Variants in DLGAP2 observed in about 807,000 individuals in gnomAD.
DLGAP2 encodes the protein DLG associated protein 2.
DLGAP2 carries 26 observed loss-of-function variants against 100.3 expected under a neutral mutation model. The observed-to-expected ratio is 0.26, with a 90% CI of 0.19 to 0.36. The LOEUF (loss-of-function observed/expected upper bound fraction) is 0.36. DLGAP2 is among the 10% of genes least tolerant of loss of function. The pLI is 1.00. For missense variants in DLGAP2, 1,858 were observed against 1,453.2 expected (o/e 1.28, Z -4.53); for synonymous variants, 886 against 630.1 (o/e 1.41, Z -6.08).
chr8:753,713 C>A (rs998760557), intron 1 of DLGAP2: 1 of 152,234 alleles, frequency 6.6e-6, no homozygotes, highest in Non-Finnish European at 1.5e-5. Context: ...TGCCGGCTCA[C>A]CAGATGGAGC....
At chr8:1,274,721 T>C in intron 3 of DLGAP2, among the ~76,000 whole-genome samples, 1 of 134,776 alleles carries the variant, frequency 7.4e-6, no homozygotes, top group Non-Finnish European at 1.6e-5. Context: ...TTTTTTTTTT[T>C]TTTGCCGTAA....
At chr8:1,106,421 A>C (rs1255663671) in intron 2 of DLGAP2, among the ~76,000 whole-genome samples, 6 of 148,536 alleles carry the variant, frequency 4.0e-5, no homozygotes, top group African/African-American at 1.3e-4. Context: ...GAAGGGAGCC[A>C]CTCTAGGACG....
At chr8:1,698,191 T>C (rs927543157) in intron 14 of DLGAP2, among the ~76,000 whole-genome samples, 3 of 152,128 alleles carry the variant, frequency 2.0e-5, no homozygotes, top group Non-Finnish European at 4.4e-5. Flanking sequence ...GATCCACAGG[T>C]TCCCTCTCAT....
chr8:1,207,059 T>TC (rs544989897), intron 2 of DLGAP2, among the ~76,000 whole-genome samples: 34 of 152,306 alleles, frequency 2.2e-4, no homozygotes, highest in African/African-American at 7.9e-4. Context: ...CCTAGATGTG[T>TC]CCTTCACAGT....
At chr8:1,347,280 A>C (rs1322576895) in intron 3 of DLGAP2, among the ~76,000 whole-genome samples, 1 of 147,542 alleles carries the variant, frequency 6.8e-6, no homozygotes, top group Non-Finnish European at 1.5e-5. Flanking sequence ...GCTACACTGC[A>C]CTCACGGTAG....
intron 2 of DLGAP2, among the ~76,000 whole-genome samples, chr8:1,047,313 A>C (rs757175696): frequency 1.3e-5 from 2 of 152,230 alleles, no homozygotes; most frequent in Non-Finnish European, 2.9e-5. Context: ...ATACAGGTTG[A>C]GTATCTCTTA....
intron 2 of DLGAP2, among the ~76,000 whole-genome samples, chr8:982,649 A>G (rs1800369084): frequency 6.6e-6 from 1 of 152,198 alleles, no homozygotes; most frequent in Non-Finnish European, 1.5e-5. Flanking sequence ...CTTGCAAGAA[A>G]AATAAATGCA....
chr8:913,257 A>C lies in DLGAP2; in HGVS notation c.73+5291A>C, dbSNP rs550077805. Among the ~76,000 whole-genome samples, 146 of 152,346 alleles carry C rather than the reference A, an allele frequency of 9.6e-4. 2 individuals carry two copies. Among genetic ancestry groups the C allele is most frequent in the African/African-American group, 3.5e-3 (145 of 41,584 alleles). On this transcript the variant is annotated intron_variant, in intron 2 of 14. Coordinates refer to ENST00000637795, the MANE Select transcript of DLGAP2 (RefSeq NM_001346810.2). Reference sequence around the variant, plus strand: ...TTGGAGGTTTAGTTCAAAACGGCAGAGGGACACCATTGTTGAAATGTTAGG... The same window carrying C: ...TTGGAGGTTTAGTTCAAAACGGCAGCGGGACACCATTGTTGAAATGTTAGG...
intron 2 of DLGAP2, among the ~76,000 whole-genome samples, chr8:1,232,269 A>T (rs1032776461): frequency 6.6e-6 from 1 of 152,148 alleles, no homozygotes; most frequent in African/African-American, 2.4e-5. Flanking sequence ...CGTGCTGAGG[A>T]GTGGGTTTTC....
At chr8:1,374,466 CAG>C (rs1366622498) in intron 3 of DLGAP2, among the ~76,000 whole-genome samples, 3 of 152,158 alleles carry the variant, frequency 2.0e-5, no homozygotes, top group African/African-American at 7.2e-5. Flanking sequence ...AAAAGGTCAC[CAG>C]AGTCATTCTG....
At chr8:835,507 T>G (rs1796856460) in intron 1 of DLGAP2, among the ~76,000 whole-genome samples, 1 of 150,204 alleles carries the variant, frequency 6.7e-6, no homozygotes, top group African/African-American at 2.4e-5. Flanking sequence ...CTCTCCCATC[T>G]TGACATTTCA....
chr8:1,155,823 C>T (rs1029564844), intron 2 of DLGAP2, among the ~76,000 whole-genome samples: 2 of 152,166 alleles, frequency 1.3e-5, no homozygotes, highest in East Asian at 3.9e-4. Context: ...AATGAACACA[C>T]GATCTCGAGT....
chr8:936,048 C>T (rs1799062564), intron 2 of DLGAP2, among the ~76,000 whole-genome samples: 1 of 152,306 alleles, frequency 6.6e-6, no homozygotes, highest in South Asian at 2.1e-4. Flanking sequence ...CGTCTCCAAC[C>T]TGCTGGAAAT....
rs112059654 is a variant in DLGAP2 at position 1,354,564 on chromosome 8, G to A, written c.106+95681G>A. On this transcript the variant is annotated intron_variant, in intron 3 of 14. Coordinates refer to ENST00000637795, the MANE Select transcript of DLGAP2 (RefSeq NM_001346810.2). ...ATACCTTGGAATGAAAGACTGTGGG[G>A]CCATTAAGATGATGCTGTGGGTGAA... Among the ~76,000 whole-genome samples, 125 of 152,258 alleles carry A rather than the reference G, an allele frequency of 8.2e-4. 1 individual carries two copies. The highest frequency in any genetic ancestry group is 2.9e-3 in the African/African-American group (120 of 41,554).
intron 2 of DLGAP2, among the ~76,000 whole-genome samples, chr8:1,047,632 G>T (rs1301460782): frequency 6.6e-6 from 1 of 152,084 alleles, no homozygotes; most frequent in African/African-American, 2.4e-5. Flanking sequence ...TCAGTGTCCA[G>T]CGACAGCCAC....
At chr8:789,211 G>A (rs373151673) in intron 1 of DLGAP2, among the ~76,000 whole-genome samples, 113 of 152,268 alleles carry the variant, frequency 7.4e-4, no homozygotes, top group African/African-American at 2.7e-3. Flanking sequence ...GGTGAAACTG[G>A]GCAATTTATG....
At chr8:1,506,942 A>T (rs1472472063) in intron 4 of DLGAP2, among the ~76,000 whole-genome samples, 6 of 152,180 alleles carry the variant, frequency 3.9e-5, no homozygotes, top group African/African-American at 7.2e-5. Context: ...TAGACATAAA[A>T]GTTCTCCAAG....
intron 1 of DLGAP2, among the ~76,000 whole-genome samples, chr8:768,418 A>ATT (rs58234397): frequency 0.035 from 3,460 of 99,920 alleles, 247 homozygotes; most frequent in African/African-American, 0.11. Context: ...GAAGGCGTTG[A>ATT]TTTTTTTTTT....
chr8:1,013,670 T>C (rs1801368957), intron 2 of DLGAP2, among the ~76,000 whole-genome samples: 1 of 104,658 alleles, frequency 9.6e-6, no homozygotes, highest in Non-Finnish European at 1.8e-5. Context: ...ACGCCTCCAC[T>C]GTGTGAGACC....
Sources: allele counts gnomAD v4.1 joint callset (sites outside exome capture counted in the v4.1 genomes callset), GRCh38; gene constraint gnomAD v4.1.1; transcripts MANE v1.5; gene names NCBI Gene and HGNC (gene_info 2026-07-23, HGNC 2026-07-21).